Variants in RNF115 observed in about 807,000 individuals in gnomAD.
RNF115 encodes the protein E3 ubiquitin-protein ligase RNF115.
RNF115 carries 31 observed loss-of-function variants against 39.2 expected under a neutral mutation model. The observed-to-expected ratio is 0.79, with a 90% CI of 0.59 to 1.07. The LOEUF (loss-of-function observed/expected upper bound fraction) is 1.07. Among genes scored for constraint, RNF115 ranks in the 50% least tolerant of loss-of-function variants. The pLI is 0.00. For missense variants in RNF115, 384 were observed against 381.7 expected, an observed-to-expected ratio of 1.01 and a Z score of -0.05; for synonymous variants, 124 against 131.0, an observed-to-expected ratio of 0.95 and a Z score of 0.37.
chr1:145,753,361 T>G (rs1658168670), intron 4 of RNF115, among the ~76,000 whole-genome samples: 1 of 152,096 alleles, frequency 6.6e-6, no homozygotes, highest in African/African-American at 2.4e-5. Context: ...TAAGGAAGGG[T>G]TAAAAGGGAT....
intron 1 of RNF115, among the ~76,000 whole-genome samples, chr1:145,800,737 TA>T (rs1282363126): frequency 2.0e-5 from 3 of 152,122 alleles, no homozygotes; most frequent in Non-Finnish European, 4.4e-5. Context: ...TGAAAGACCT[TA>T]AGGGGAGAAG....
chr1:145,767,948 CAGAGACAG>C (rs1559112000), intron 4 of RNF115, among the ~76,000 whole-genome samples: 1 of 4,288 alleles, frequency 2.3e-4, no homozygotes, highest in Non-Finnish European at 3.1e-4. Flanking sequence ...GGCTCGGCAT[CAGAGACAG>C]AGAGAGACCA....
At chr1:145,762,027 G>C (rs1214603521) in intron 4 of RNF115, among the ~76,000 whole-genome samples, 1 of 152,144 alleles carries the variant, frequency 6.6e-6, no homozygotes, top group Non-Finnish European at 1.5e-5. Context: ...GACATGCATG[G>C]GACCTGTAAC....
intron 1 of RNF115, among the ~76,000 whole-genome samples, chr1:145,799,976 T>C (rs776822443): frequency 3.3e-5 from 5 of 152,250 alleles, no homozygotes; most frequent in African/African-American, 9.6e-5. Flanking sequence ...GAAAGTATGC[T>C]GGATCTATCA....
intron 1 of RNF115, among the ~76,000 whole-genome samples, chr1:145,808,490 T>C (rs1176394274): frequency 6.6e-6 from 1 of 152,230 alleles, no homozygotes; most frequent in Non-Finnish European, 1.5e-5. Context: ...ATGCCTTCTT[T>C]TGAGAAATGT....
chr1:145,765,151 G>A (rs1553714588), intron 4 of RNF115, among the ~76,000 whole-genome samples: 1 of 152,176 alleles, frequency 6.6e-6, no homozygotes, highest in Non-Finnish European at 1.5e-5. Context: ...AACATGTGCT[G>A]TGTCCACTCA....
chr1:145,756,515 C>T (rs1011594796), intron 4 of RNF115, among the ~76,000 whole-genome samples: 1 of 151,424 alleles, frequency 6.6e-6, no homozygotes, highest in African/African-American at 2.4e-5. Flanking sequence ...CCTAAAGAAT[C>T]ATTCAATTAG....
At chr1:145,808,877 A>G (rs1278262055) in intron 1 of RNF115, among the ~76,000 whole-genome samples, 1 of 152,210 alleles carries the variant, frequency 6.6e-6, no homozygotes, top group Non-Finnish European at 1.5e-5. Flanking sequence ...TTGAGAGCAA[A>G]AATACCTCAC....
intron 4 of RNF115, among the ~76,000 whole-genome samples, chr1:145,764,184 G>C (rs1356086360): frequency 2.0e-5 from 3 of 152,204 alleles, no homozygotes; most frequent in African/African-American, 7.2e-5. Context: ...CCGAGGTGCC[G>C]GGATTGCAGA....
chr1:145,777,094 C>T (rs1647920675), intron 3 of RNF115, among the ~76,000 whole-genome samples: 1 of 152,184 alleles, frequency 6.6e-6, no homozygotes, highest in Admixed American at 6.5e-5. Context: ...TACGAGCAGA[C>T]TCCTCCATGT....
At chr1:145,788,722 CTT>C in intron 2 of RNF115, 184 bp downstream of exon 2, 1 of 691,070 alleles carries the variant, frequency 1.4e-6, no homozygotes, top group East Asian at 2.7e-5. Flanking sequence ...TCCCATTTTT[CTT>C]TCTTTTTCCT....
At chr1:145,750,532 GGCAGACATC>G in intron 6 of RNF115, 32 bp from the exon 7 acceptor site, 1 of 1,544,306 alleles carries the variant, frequency 6.5e-7, no homozygotes, top group Non-Finnish European at 8.9e-7. Flanking sequence ...AAGACGAAGT[GGCAGACATC>G]GCAATATCCC....
rs587638212 is a variant in RNF115 at position 145,765,448 on chromosome 1, G to T, written c.428+6263C>A. Among the ~76,000 whole-genome samples the T allele has an allele frequency of 4.0e-5, 6 of 151,590 alleles. 1 individual carries two copies. The South Asian group carries it at 1.3e-3, about 32-fold the overall frequency. On this transcript the variant is annotated intron_variant, in intron 4 of 8. Coordinates refer to ENST00000582693, the MANE Select transcript of RNF115 (RefSeq NM_014455.4). ...AAAAAAAATTAAAAAAAAATTATTT[G>T]AAGTGAAATATGAGTAATTCCTTAG...
intron 2 of RNF115, 134 bp downstream of exon 2, chr1:145,788,770 GCACT>G (rs782115569): frequency 1.1e-5 from 8 of 739,370 alleles, no homozygotes; most frequent in African/African-American, 8.6e-5. Context: ...GCAAGCTCAT[GCACT>G]CACTCTCTCT....
rs1648514973 is a variant in RNF115, at chr1:145,788,967, C to T, written c.103-1G>A. On this transcript the variant is annotated splice_acceptor_variant, in intron 1 of 8. Transcript: ENST00000582693. LOFTEE classifies it high-confidence loss of function. ...ATTCACATCTGGGACATATATATTC[C>T]TATAAAAGAAAGGAAGAAACAAATA... 1 of 1,578,910 alleles carries T rather than the reference C, an allele frequency of 6.3e-7. No homozygotes were observed. Among genetic ancestry groups the T allele is most frequent in the Non-Finnish European group, 8.7e-7 (1 of 1,153,850 alleles).
intron 3 of RNF115, among the ~76,000 whole-genome samples, chr1:145,782,056 CCAT>C (rs1240260333): frequency 6.6e-6 from 1 of 152,006 alleles, no homozygotes; most frequent in Non-Finnish European, 1.5e-5. Flanking sequence ...GCGCCCACCA[CCAT>C]GCCTGGCTAA....
intron 1 of RNF115, among the ~76,000 whole-genome samples, chr1:145,792,633 T>TG (rs1348762439): frequency 6.6e-6 from 1 of 152,094 alleles, no homozygotes; most frequent in Non-Finnish European, 1.5e-5. Context: ...AGAGTTTGCC[T>TG]GGGGGAACTA....
In RNF115 at chr1:145,748,007, C is replaced by T. The variant is rs782779006; in HGVS notation, c.771G>A (p.Pro257=). 1.7e-5 allele frequency: 27 copies of T among 1,611,614 alleles called. No homozygotes were observed. Among genetic ancestry groups the T allele is most frequent in the South Asian group, 2.2e-5 (2 of 91,038 alleles). Residue 257 remains proline, a synonymous_variant, in exon 8 of 9, where the codon CCG becomes CCA. Coordinates refer to ENST00000582693, the MANE Select transcript of RNF115 (RefSeq NM_014455.4). ...TTGCTGTACTCACCAGTTCTAGCCA[C>T]GGCACAATACAACTGCTGTGAAAGA... ...NHFFHSSCIV[P]WLELHDTCPV... is the part of the protein sequence containing the mutation.
intron 1 of RNF115, among the ~76,000 whole-genome samples, chr1:145,808,567 C>T (rs1553721978): frequency 6.6e-6 from 1 of 152,158 alleles, no homozygotes; most frequent in Admixed American, 6.5e-5. Context: ...ACCCTTTAAT[C>T]TAAAACATAC....
Sources: gnomAD v4.1 joint callset for allele counts (sites outside exome capture counted in the v4.1 genomes callset) on GRCh38, gnomAD v4.1.1 for gene constraint, MANE v1.5 for transcripts, NCBI Gene and HGNC (gene_info 2026-07-23, HGNC 2026-07-21) for gene names.